The following MYO5B variants were observed in gnomAD, a reference collection of about 807,000 sequenced individuals.
MYO5B encodes the protein unconventional myosin-Vb.
A neutral mutation model predicts 229.3 loss-of-function variants in MYO5B; 143 were observed. The observed-to-expected ratio is 0.62, with a 90% CI of 0.54 to 0.72. The LOEUF (loss-of-function observed/expected upper bound fraction) is 0.72, where lower values mean the gene tolerates loss of function less well. MYO5B is among the 30% of genes least tolerant of loss of function. The pLI is 0.00. For missense variants in MYO5B, 2,321 were observed against 2,331.0 expected, an observed-to-expected ratio of 1.00 and a Z score of 0.09; for synonymous variants, 918 against 885.2, an observed-to-expected ratio of 1.04 and a Z score of -0.66.
intron 4 of MYO5B, among the ~76,000 whole-genome samples, chr18:50,034,750 A>G (rs1007933467): frequency 6.6e-6 from 1 of 152,130 alleles, no homozygotes; most frequent in African/African-American, 2.4e-5. Flanking sequence ...TCTCAAAAAC[A>G]AAACAAAACA....
intron 4 of MYO5B, among the ~76,000 whole-genome samples, chr18:50,013,384 T>A (rs1415871341): frequency 1.3e-5 from 2 of 152,108 alleles, no homozygotes; most frequent in Non-Finnish European, 1.5e-5. Flanking sequence ...GAGGCATCCC[T>A]CCCAACTGCA....
intron 27 of MYO5B, 95 bp from the exon 28 acceptor site, chr18:49,864,475 G>C: frequency 6.5e-7 from 1 of 1,539,912 alleles, no homozygotes; most frequent in Non-Finnish European, 8.8e-7. Flanking sequence ...TGTCCACTGG[G>C]AAACTTCGCT....
intron 2 of MYO5B, among the ~76,000 whole-genome samples, chr18:50,046,309 T>C (rs1001800388): frequency 2.0e-5 from 3 of 152,218 alleles, no homozygotes; most frequent in Non-Finnish European, 4.4e-5. Context: ...TTAATTAGTC[T>C]GCCTGAAACC....
chr18:49,954,028 G>A (rs7505524), intron 13 of MYO5B, among the ~76,000 whole-genome samples: 2 of 25,862 alleles, frequency 7.7e-5, no homozygotes, highest in Admixed American at 4.6e-4. Context: ...ATTTATATGT[G>A]TGTGTGTGTG....
intron 22 of MYO5B, 41 bp from the exon 23 acceptor site, chr18:49,880,496 G>C: frequency 6.6e-7 from 1 of 1,504,032 alleles, no homozygotes; most frequent in Middle Eastern, 1.7e-4. Context: ...CATGATGCTG[G>C]GAAGAGGAGA....
chr18:50,061,815 C>T (rs2030693606), intron 1 of MYO5B, among the ~76,000 whole-genome samples: 1 of 152,202 alleles, frequency 6.6e-6, no homozygotes, highest in Admixed American at 6.5e-5. Flanking sequence ...AGAACAGGGA[C>T]ATTTGAAACC....
chr18:49,977,515 C>G (rs2025765016), intron 9 of MYO5B, among the ~76,000 whole-genome samples: 2 of 152,134 alleles, frequency 1.3e-5, no homozygotes, highest in African/African-American at 4.8e-5. Context: ...ATTAACGATG[C>G]ATTTCTCAAG....
At chr18:49,969,017 C>A (rs1416505178) in intron 10 of MYO5B, among the ~76,000 whole-genome samples, 1 of 152,176 alleles carries the variant, frequency 6.6e-6, no homozygotes, top group African/African-American at 2.4e-5. Flanking sequence ...CCCTCTTGAG[C>A]TATGAGGCTT....
intron 26 of MYO5B, 62 bp from the exon 27 acceptor site, chr18:49,872,294 T>C (rs1598847391): frequency 6.4e-7 from 1 of 1,554,626 alleles, no homozygotes; most frequent in South Asian, 1.1e-5. Context: ...ACAGAGGTGT[T>C]TCCAACTGTG....
chr18:50,146,890 G>A (rs2032512154), intron 1 of MYO5B, among the ~76,000 whole-genome samples: 1 of 152,172 alleles, frequency 6.6e-6, no homozygotes, highest in African/African-American at 2.4e-5. Context: ...TGGAAGTGGG[G>A]GTAGAGAAAG....
At chr18:50,159,831 G>T (rs1015943945) in intron 1 of MYO5B, among the ~76,000 whole-genome samples, 1 of 152,132 alleles carries the variant, frequency 6.6e-6, no homozygotes, top group African/African-American at 2.4e-5. Flanking sequence ...CTGATATCAT[G>T]CTGCACATTC....
chr18:49,989,701 T>C (rs2025908661), intron 7 of MYO5B, among the ~76,000 whole-genome samples: 1 of 152,132 alleles, frequency 6.6e-6, no homozygotes, highest in Admixed American at 6.5e-5. Context: ...TCCACATCAA[T>C]AGCCTCAAAG....
At chr18:49,836,968 C>T in intron 37 of MYO5B, 83 bp from the exon 38 acceptor site, 1 of 1,314,754 alleles carries the variant, frequency 7.6e-7, no homozygotes, top group Non-Finnish European at 1.1e-6. Flanking sequence ...GTTTTGCAGG[C>T]CCGCTGCAGC....
chr18:49,847,370 A>T (rs1431886988), intron 32 of MYO5B, 81 bp from the exon 33 acceptor site: 4 of 1,534,142 alleles, frequency 2.6e-6, no homozygotes, highest in Non-Finnish European at 2.7e-6. Context: ...TGGCGGGTGG[A>T]GGATGGGACC....
intron 22 of MYO5B, among the ~76,000 whole-genome samples, chr18:49,888,994 G>A (rs1279094036): frequency 2.0e-5 from 3 of 152,186 alleles, no homozygotes. Flanking sequence ...CGTGGACCTA[G>A]GGATTATATC....
chr18:49,860,341 G>T (rs962009869), intron 29 of MYO5B, among the ~76,000 whole-genome samples: 2 of 152,084 alleles, frequency 1.3e-5, no homozygotes, highest in African/African-American at 4.8e-5. Flanking sequence ...CCCATATACA[G>T]CCCTGAAAAG....
intron 2 of MYO5B, 78 bp downstream of exon 2, chr18:50,055,190 T>C (rs947439155): frequency 1.0e-6 from 1 of 977,856 alleles, no homozygotes; most frequent in Non-Finnish European, 1.6e-6. Context: ...CACAATGTAC[T>C]ATCTACTCCT....
intron 5 of MYO5B, among the ~76,000 whole-genome samples, chr18:49,994,187 C>T (rs1452717626): frequency 6.6e-6 from 1 of 152,176 alleles, no homozygotes; most frequent in Non-Finnish European, 1.5e-5. Flanking sequence ...CCAGGCCCTA[C>T]ATTTCCCTCT....
chr18:49,863,428 A>T, intron 28 of MYO5B, 101 bp from the exon 29 acceptor site: 1 of 975,114 alleles, frequency 1.0e-6, no homozygotes, highest in Non-Finnish European at 1.6e-6. Flanking sequence ...GAAAAGACAA[A>T]GGCCTGGAAA....
Sources: gnomAD v4.1 joint callset for allele counts (sites outside exome capture counted in the v4.1 genomes callset) on GRCh38, gnomAD v4.1.1 for gene constraint, MANE v1.5 for transcripts, NCBI Gene and HGNC (gene_info 2026-07-23, HGNC 2026-07-21) for gene names.